Variants in SPATA17 observed in about 807,000 individuals in gnomAD.
SPATA17 encodes the protein spermatogenesis-associated protein 17.
A neutral mutation model predicts 62.2 loss-of-function variants in SPATA17; 53 were observed. That is an observed-to-expected ratio of 0.85 (90% confidence interval 0.68 to 1.07). The LOEUF is 1.07. Among genes scored for constraint, SPATA17 ranks in the 50% least tolerant of loss-of-function variants. The pLI is 0.00. For missense variants in SPATA17, 466 were observed against 425.5 expected, an observed-to-expected ratio of 1.10 and a Z score of -0.84; for synonymous variants, 146 against 146.8, an observed-to-expected ratio of 0.99 and a Z score of 0.04.
At chr1:217,866,583 C>T (rs889558875) in intron 10 of SPATA17, 15 of 152,426 alleles carry the variant, frequency 9.8e-5, no homozygotes, top group African/African-American at 3.6e-4. Context: ...GCCTCAGCCT[C>T]TTGAGTAGCT....
At chr1:217,815,360 G>A (rs1674687422) in intron 9 of SPATA17, among the ~76,000 whole-genome samples, 2 of 152,124 alleles carry the variant, frequency 1.3e-5, no homozygotes, top group Non-Finnish European at 2.9e-5. Flanking sequence ...TATATCTGGA[G>A]GTTTGGCCTG....
At chr1:217,743,442 C>T (rs545968347) in intron 6 of SPATA17, among the ~76,000 whole-genome samples, 32 of 151,992 alleles carry the variant, frequency 2.1e-4, no homozygotes, top group Non-Finnish European at 4.0e-4. Context: ...ATCCTTATTT[C>T]TTTAAATCTG....
intron 1 of SPATA17, among the ~76,000 whole-genome samples, chr1:217,640,915 A>G (rs1418323158): frequency 6.6e-6 from 1 of 152,144 alleles, no homozygotes; most frequent in Non-Finnish European, 1.5e-5. Flanking sequence ...ATAAGTGGTT[A>G]AATTTTAAAA....
intron 6 of SPATA17, among the ~76,000 whole-genome samples, chr1:217,767,646 T>C (rs1673331897): frequency 6.6e-6 from 1 of 152,202 alleles, no homozygotes; most frequent in African/African-American, 2.4e-5. Context: ...ATGTCCAATC[T>C]ACTAATAAAC....
At chr1:217,706,140 C>G (rs1432718143) in intron 5 of SPATA17, among the ~76,000 whole-genome samples, 2 of 152,146 alleles carry the variant, frequency 1.3e-5, no homozygotes, top group Admixed American at 6.5e-5. Flanking sequence ...ATTTGAGTAA[C>G]ATGATGCTGC....
At chr1:217,778,121 T>C (rs1202161802) in intron 7 of SPATA17, among the ~76,000 whole-genome samples, 1 of 152,208 alleles carries the variant, frequency 6.6e-6, no homozygotes, top group Non-Finnish European at 1.5e-5. Context: ...CTCCAGCATT[T>C]CCACTGCATG....
chr1:217,717,491 G>C (rs960975614), intron 5 of SPATA17, among the ~76,000 whole-genome samples: 1 of 152,078 alleles, frequency 6.6e-6, no homozygotes, highest in African/African-American at 2.4e-5. Flanking sequence ...GGCTCCTGTA[G>C]TCCCAGCTAC....
intron 5 of SPATA17, among the ~76,000 whole-genome samples, chr1:217,725,407 A>G (rs1268173691): frequency 6.6e-6 from 1 of 152,172 alleles, no homozygotes; most frequent in African/African-American, 2.4e-5. Context: ...CTATCCAACT[A>G]AATTTTGAAG....
At position 217,854,753 on chromosome 1, in the gene SPATA17, G is replaced by A. The variant is rs138400560; in HGVS notation, c.1006-8021G>A. On this transcript the variant is annotated intron_variant, in intron 9 of 10. Transcript: ENST00000366933. ...TGGGAGGACCCTGATGATGTCCAGGGCATGCGACTTCCATTTCCTTCACTT... is the reference window on the plus strand; with the variant it reads ...TGGGAGGACCCTGATGATGTCCAGGACATGCGACTTCCATTTCCTTCACTT... 8.6e-3 allele frequency among the ~76,000 whole-genome samples: 1,308 copies of A among 152,284 alleles called. 11 individuals carry two copies. Among genetic ancestry groups the A allele is most frequent in the Middle Eastern group, 0.048 (14 of 294 alleles).
At chr1:217,796,234 A>G (rs1410529732) in intron 8 of SPATA17, among the ~76,000 whole-genome samples, 1 of 152,176 alleles carries the variant, frequency 6.6e-6, no homozygotes, top group East Asian at 1.9e-4. Flanking sequence ...GCGGCCTTTA[A>G]CTTTAGTATC....
intron 2 of SPATA17, 146 bp from the exon 3 acceptor site, chr1:217,650,951 C>T (rs954989455): frequency 5.1e-6 from 3 of 590,620 alleles, no homozygotes; most frequent in African/African-American, 1.9e-5. Context: ...TTAATTCTAT[C>T]CCACAATAAC....
intron 6 of SPATA17, among the ~76,000 whole-genome samples, chr1:217,759,504 A>G (rs1442306662): frequency 6.6e-6 from 1 of 152,188 alleles, no homozygotes; most frequent in East Asian, 1.9e-4. Context: ...GAAAGTGGCA[A>G]TGGGGAACTG....
chr1:217,714,766 T>C (rs1671963420), intron 5 of SPATA17, among the ~76,000 whole-genome samples: 1 of 151,970 alleles, frequency 6.6e-6, no homozygotes, highest in South Asian at 2.1e-4. Context: ...ATTACAGGCG[T>C]GAGCCACCGC....
intron 8 of SPATA17, among the ~76,000 whole-genome samples, chr1:217,790,930 T>C (rs2102981982): frequency 6.6e-6 from 1 of 152,358 alleles, no homozygotes; most frequent in East Asian, 1.9e-4. Flanking sequence ...AAATTTAACA[T>C]ATCTCAAAAC....
At chr1:217,857,809 AAG>A (rs1172050509) in intron 9 of SPATA17, among the ~76,000 whole-genome samples, 1 of 152,190 alleles carries the variant, frequency 6.6e-6, no homozygotes, top group African/African-American at 2.4e-5. Context: ...AAGAGCAATA[AAG>A]AGTTTCTGAA....
At chr1:217,793,411 G>A (rs1217115893) in intron 8 of SPATA17, among the ~76,000 whole-genome samples, 7 of 151,862 alleles carry the variant, frequency 4.6e-5, no homozygotes, top group African/African-American at 1.4e-4. Context: ...TAGTAGAGAC[G>A]GGGTTTCACC....
chr1:217,823,787 T>A (rs2136688), intron 9 of SPATA17, among the ~76,000 whole-genome samples: 28,887 of 151,974 alleles, frequency 0.19, 2,998 homozygotes, highest in Middle Eastern at 0.26. Context: ...TATATTTAAG[T>A]GCTCTGTTGT....
chr1:217,693,112 A>G (rs1169993058), intron 5 of SPATA17, among the ~76,000 whole-genome samples: 6 of 146,172 alleles, frequency 4.1e-5, no homozygotes, highest in Non-Finnish European at 7.6e-5. Flanking sequence ...CTGTGAATCC[A>G]TCTGGTCCTG....
chr1:217,659,046 G>A (rs1421367418), intron 3 of SPATA17, among the ~76,000 whole-genome samples: 1 of 152,106 alleles, frequency 6.6e-6, no homozygotes, highest in Admixed American at 6.5e-5. Context: ...AGAGAACTGA[G>A]TAGTTGAGGG....
Sources: allele counts gnomAD v4.1 joint callset (sites outside exome capture counted in the v4.1 genomes callset), GRCh38; gene constraint gnomAD v4.1.1; transcripts MANE v1.5; gene names NCBI Gene and HGNC (gene_info 2026-07-23, HGNC 2026-07-21).